BCL2: variants seen among roughly 807,000 people sequenced by gnomAD.
BCL2 encodes BCL2 apoptosis regulator, also known as apoptosis regulator Bcl-2.
A neutral mutation model predicts 14.2 loss-of-function variants in BCL2; 1 was observed. The ratio of observed to expected loss-of-function variants is 0.07; its 90% CI spans 0.02 to 0.33. BCL2 has a LOEUF of 0.33. BCL2 is among the 10% of genes least tolerant of loss of function. BCL2 has a pLI of 0.99. For synonymous variants in BCL2, 151 were observed against 137.2 expected (o/e 1.10, Z -0.70); for missense variants, 247 against 305.9 (o/e 0.81, Z 1.44).
rs1054609800 is a variant in BCL2 at position 63,286,928 on chromosome 18, C to T, written c.585+31154G>A. On this transcript the variant is annotated intron_variant, in intron 2 of 2. Transcript: ENST00000333681. ...CATTCAAAAGACACCTCCTACAACACGGGTCTGAACTACAGGTCTCCCGAG... is the reference window on the plus strand; with the variant it reads ...CATTCAAAAGACACCTCCTACAACATGGGTCTGAACTACAGGTCTCCCGAG... Among the ~76,000 whole-genome samples the T allele has an allele frequency of 7.9e-5, 12 of 152,264 alleles. No homozygotes were observed. In the East Asian group the frequency reaches 9.7e-4, roughly 12 times the overall value.
At chr18:63,295,876 G>A (rs995210360) in intron 2 of BCL2, among the ~76,000 whole-genome samples, 4 of 152,070 alleles carry the variant, frequency 2.6e-5, no homozygotes, top group African/African-American at 9.7e-5. Context: ...TTTCTGACAG[G>A]TGGGATCCAC....
intron 2 of BCL2, among the ~76,000 whole-genome samples, chr18:63,297,189 G>A (rs1912822697): frequency 6.6e-6 from 1 of 151,938 alleles, no homozygotes; most frequent in Non-Finnish European, 1.5e-5. Flanking sequence ...CTCCAGCCTG[G>A]GCGACACAGC....
At chr18:63,244,652 C>G (rs1444466255) in intron 2 of BCL2, among the ~76,000 whole-genome samples, 3 of 152,112 alleles carry the variant, frequency 2.0e-5, no homozygotes, top group African/African-American at 7.2e-5. Flanking sequence ...TTGCTGCAAC[C>G]AACTGTTCTA....
intron 2 of BCL2, among the ~76,000 whole-genome samples, chr18:63,209,740 CAG>C (rs1909948817): frequency 1.3e-5 from 2 of 151,930 alleles, no homozygotes; most frequent in South Asian, 4.2e-4. Flanking sequence ...ACAGAGGAAA[CAG>C]AGCGAGGAAG....
At chr18:63,251,419 G>A (rs575395106) in intron 2 of BCL2, among the ~76,000 whole-genome samples, 146 of 152,014 alleles carry the variant, frequency 9.6e-4, no homozygotes, top group Non-Finnish European at 3.8e-4. Context: ...CGAGGCAGGC[G>A]GATCACCAGG....
At chr18:63,264,245 T>C (rs1911751972) in intron 2 of BCL2, among the ~76,000 whole-genome samples, 1 of 152,204 alleles carries the variant, frequency 6.6e-6, no homozygotes, top group African/African-American at 2.4e-5. Flanking sequence ...TCCTCTAGTT[T>C]ATTTTTTTCC....
chr18:63,240,668 T>C (rs1229967273), intron 2 of BCL2, among the ~76,000 whole-genome samples: 3 of 152,248 alleles, frequency 2.0e-5, no homozygotes, highest in African/African-American at 7.2e-5. Context: ...AATATCTTTG[T>C]GCATTTCCCA....
chr18:63,220,486 C>A (rs1424538890), intron 2 of BCL2, among the ~76,000 whole-genome samples: 1 of 152,180 alleles, frequency 6.6e-6, no homozygotes, highest in Non-Finnish European at 1.5e-5. Context: ...GGGCAGAATC[C>A]AGGCTTCCTG....
chr18:63,195,978 A>G (rs1390870189), intron 2 of BCL2, among the ~76,000 whole-genome samples: 1 of 152,222 alleles, frequency 6.6e-6, no homozygotes, highest in African/African-American at 2.4e-5. Flanking sequence ...GGGGAATAAG[A>G]GTTTGTTAGC....
rs559853535 is a variant in BCL2, at chr18:63,218,054, C to T, written c.586-89295G>A. Among the ~76,000 whole-genome samples, 287 of 152,244 alleles carry T rather than the reference C, an allele frequency of 1.9e-3. 2 individuals carry two copies. The highest frequency in any genetic ancestry group is 6.6e-3 in the African/African-American group (275 of 41,532). On this transcript the variant is annotated intron_variant, in intron 2 of 2. Coordinates refer to ENST00000333681, the MANE Select transcript of BCL2 (RefSeq NM_000633.3). ...GCCCCAGAACATGCAGAAACTGCCT[C>T]CAAGGTCAGTCAGCATCCTTCTCTT...
intron 2 of BCL2, among the ~76,000 whole-genome samples, chr18:63,211,641 C>T (rs1910006996): frequency 6.6e-6 from 1 of 152,212 alleles, no homozygotes; most frequent in African/African-American, 2.4e-5. Flanking sequence ...TTTAGTCCTT[C>T]AGACACATAC....
At chr18:63,178,457 G>A (rs555273281) in intron 2 of BCL2, among the ~76,000 whole-genome samples, 1 of 152,268 alleles carries the variant, frequency 6.6e-6, no homozygotes, top group African/African-American at 2.4e-5. Flanking sequence ...AGCAAAGAAT[G>A]TCCATTTCCA....
chr18:63,181,270 G>A (rs948775914), intron 2 of BCL2, among the ~76,000 whole-genome samples: 1 of 152,192 alleles, frequency 6.6e-6, no homozygotes, highest in African/African-American at 2.4e-5. Flanking sequence ...TGCTGGCCCT[G>A]GCACGCCTCG....
intron 2 of BCL2, among the ~76,000 whole-genome samples, chr18:63,277,873 C>G (rs938681517): frequency 6.6e-6 from 1 of 152,194 alleles, no homozygotes; most frequent in Admixed American, 6.5e-5. Flanking sequence ...GAGATACACT[C>G]TAACGTGGGG....
At chr18:63,216,146 T>C (rs1200580224) in intron 2 of BCL2, among the ~76,000 whole-genome samples, 1 of 152,206 alleles carries the variant, frequency 6.6e-6, no homozygotes, top group African/African-American at 2.4e-5. Flanking sequence ...GATTTTTTTT[T>C]CTTCTGTTTG....
chr18:63,165,572 C>T (rs988036811), intron 2 of BCL2, among the ~76,000 whole-genome samples: 2 of 152,232 alleles, frequency 1.3e-5, no homozygotes, highest in South Asian at 2.1e-4. Context: ...AGAGACCTCT[C>T]CTATCCCAAA....
At chr18:63,264,094 T>C (rs1911745942) in intron 2 of BCL2, among the ~76,000 whole-genome samples, 1 of 152,172 alleles carries the variant, frequency 6.6e-6, no homozygotes. Flanking sequence ...AATGGAATAG[T>C]ATAGTAAAAC....
chr18:63,158,335 C>A (rs1568218840), intron 2 of BCL2, among the ~76,000 whole-genome samples: 1 of 152,180 alleles, frequency 6.6e-6, no homozygotes, highest in Non-Finnish European at 1.5e-5. Context: ...TAACCTGGTA[C>A]TTTTTACCTG....
chr18:63,189,524 CA>C (rs2144650283), intron 2 of BCL2, among the ~76,000 whole-genome samples: 1 of 152,226 alleles, frequency 6.6e-6, no homozygotes, highest in Admixed American at 6.5e-5. Context: ...AAAAGTAAAC[CA>C]AACCAATCAC....
Sources: gnomAD v4.1 joint callset for allele counts (sites outside exome capture counted in the v4.1 genomes callset) on GRCh38, gnomAD v4.1.1 for gene constraint, MANE v1.5 for transcripts, NCBI Gene and HGNC (gene_info 2026-07-23, HGNC 2026-07-21) for gene names.